The following OBP2B variants were observed in gnomAD, a reference collection of about 807,000 sequenced individuals.
OBP2B encodes the protein odorant binding protein 2B, also known as odorant-binding protein 2b.
A neutral mutation model predicts 21.7 loss-of-function variants in OBP2B; 10 were observed. The ratio of observed to expected loss-of-function variants is 0.46; its 90% CI spans 0.28 to 0.78. OBP2B has a LOEUF of 0.78. OBP2B is among the 30% of genes least tolerant of loss of function. The probability of loss-of-function intolerance (pLI) is 0.11; values close to 1 mark genes in which losing one functional copy is unlikely to be tolerated. For missense variants in OBP2B, 153 were observed against 217.7 expected (o/e 0.70, Z 1.87); for synonymous variants, 73 against 91.5 (o/e 0.80, Z 1.16).
intron 6 of OBP2B, chr9:133,205,686 G>T: frequency 1.6e-6 from 1 of 640,336 alleles, no homozygotes; most frequent in South Asian, 2.0e-5. Flanking sequence ...CTGTGGAAAG[G>T]CCGAGGAGGA....
chr9:133,210,649 T>C (rs2119406938), upstream of OBP2B, among the ~76,000 whole-genome samples: 1 of 152,318 alleles, frequency 6.6e-6, no homozygotes, highest in South Asian at 2.1e-4. Context: ...TGCTGCTGGC[T>C]CAATCCTTGA....
the OBP2B span, among the ~76,000 whole-genome samples, chr9:133,216,963 A>G: frequency 2.6e-5 from 4 of 151,902 alleles, no homozygotes; most frequent in Admixed American, 1.3e-4. Flanking sequence ...AAACCACAAT[A>G]AGCATAAATG....
At chr9:133,207,421 AC>A in intron 3 of OBP2B, 85 bp from the exon 4 acceptor site, 1 of 947,836 alleles carries the variant, frequency 1.1e-6, no homozygotes, top group Non-Finnish European at 1.6e-6. Flanking sequence ...TTCAGCGGTC[AC>A]CCAGGTGCCC....
chr9:133,206,135 G>T (rs1451333445), intron 5 of OBP2B, among the ~76,000 whole-genome samples, 180 bp downstream of exon 5: 1 of 152,046 alleles, frequency 6.6e-6, no homozygotes, highest in Admixed American at 6.5e-5. Context: ...CCCCATCGCA[G>T]CCCAGAGCAC....
At chr9:133,216,774 T>G in the OBP2B span, among the ~76,000 whole-genome samples, 1 of 151,980 alleles carries the variant, frequency 6.6e-6, no homozygotes, top group Non-Finnish European at 1.5e-5. Context: ...ATCCCACAAT[T>G]TTATGATTGC....
the OBP2B span, among the ~76,000 whole-genome samples, chr9:133,221,370 G>T: frequency 6.6e-6 from 1 of 152,206 alleles, no homozygotes; most frequent in Non-Finnish European, 1.5e-5. Flanking sequence ...ACAGGCGCGT[G>T]TGCAGATTGC....
the OBP2B span, among the ~76,000 whole-genome samples, chr9:133,219,464 A>T: frequency 6.6e-6 from 1 of 152,254 alleles, no homozygotes; most frequent in African/African-American, 2.4e-5. Context: ...GGAAATGAAT[A>T]GACTTTCTTC....
Position 133,208,979 on chromosome 9 carries a change from C to A in OBP2B, c.72+149G>T, listed in dbSNP as rs1833846631. ...CGGGGGGCCGTGTCTGCTGGAGGAA[C>A]AATAGGACCCCTCCACCACCACCCC... On this transcript the variant is annotated intron_variant, in intron 1 of 6. Coordinates refer to ENST00000372034, the MANE Select transcript of OBP2B (RefSeq NM_014581.4). 6 of 970,318 alleles carry A rather than the reference C, an allele frequency of 6.2e-6. No individual in the cohort carries two copies. The Admixed American group carries it at 1.1e-4, about 17-fold the overall frequency. The allele number at this position is 970,318 out of a possible 1,614,324, so 60.1% of individuals were successfully genotyped here.
At chr9:133,210,554 C>A (rs1452656312), upstream of OBP2B, among the ~76,000 whole-genome samples, 1 of 152,124 alleles carries the variant, frequency 6.6e-6, no homozygotes, top group African/African-American at 2.4e-5. Flanking sequence ...TTTCTCTGTT[C>A]TCTGTGTTTG....
At position 133,205,339 on chromosome 9, in the gene OBP2B, A is replaced by T. The variant is rs1417059719; in HGVS notation, c.*74T>A. The T allele has an allele frequency of 1.3e-6, 2 of 1,528,966 alleles. No homozygotes were observed. The highest frequency in any genetic ancestry group is 1.8e-6 in the Non-Finnish European group (2 of 1,130,474). The allele number at this position is 1,528,966 out of a possible 1,614,324, so 94.7% of individuals were successfully genotyped here. On this transcript the variant is annotated 3_prime_UTR_variant, in exon 7 of 7. Coordinates refer to ENST00000372034, the MANE Select transcript of OBP2B (RefSeq NM_014581.4). ...GGGAGCAGGGAAGGGTCATGGCTGG[A>T]GGGTAGGTCCAGGTGGTCCAGGCTC...
chr9:133,222,101 G>A, the OBP2B span, among the ~76,000 whole-genome samples: 1 of 151,612 alleles, frequency 6.6e-6, no homozygotes, highest in African/African-American at 2.4e-5. Context: ...GTGGACCCAA[G>A]CTGAGTGTGT....
chr9:133,211,947 G>A (rs779421127), upstream of OBP2B, among the ~76,000 whole-genome samples: 14 of 152,104 alleles, frequency 9.2e-5, no homozygotes, highest in Admixed American at 5.2e-4. Flanking sequence ...ACTATATGCC[G>A]TCTACAAGAA....
In OBP2B at chr9:133,206,358, G is replaced by A; in HGVS notation, c.447C>T (p.Arg149=). 1.9e-6 allele frequency: 3 copies of A among 1,614,100 alleles called. No homozygotes were observed. The highest frequency in any genetic ancestry group is 2.5e-6 in the Non-Finnish European group (3 of 1,180,002). ...AAATGTCCTCCTCCGAGAGTCCCTT[G>A]CGCTGCACCAATTTCTTAAATTCTT... ...ALEEFKKLVQ[R]KGLSEEDIFT... Residue 149 remains arginine (R), a synonymous_variant, in exon 5 of 7, where the codon CGC becomes CGT. Coordinates refer to ENST00000372034, the MANE Select transcript of OBP2B (RefSeq NM_014581.4).
chr9:133,209,152 C>A lies in OBP2B; in HGVS notation c.48G>T (p.Leu16=). The change falls in exon 1 of 7, where the codon CTG becomes CTT. Residue 16 remains leucine, a synonymous_variant. Coordinates refer to ENST00000372034, the MANE Select transcript of OBP2B (RefSeq NM_014581.4). The surrounding 1 kb of genome is among the most constrained non-coding windows in gnomAD (Gnocchi z 6.0). ...LGVTLGLAAA[L]SFTLEEEDIT... ...CATCCTCCTCCTCCAGGGTGAAGGA[C>A]AGGGCAGCGGCCAGGCCGAGCGTGA... The A allele has an allele frequency of 3.1e-6, 5 of 1,606,042 alleles. No homozygotes were observed. The highest frequency in any genetic ancestry group is 4.2e-6 in the Non-Finnish European group (5 of 1,176,650).
the OBP2B span, among the ~76,000 whole-genome samples, chr9:133,216,332 ACAC>A: frequency 1.3e-5 from 2 of 151,364 alleles, no homozygotes; most frequent in Non-Finnish European, 2.9e-5. Context: ...AAGATGCTCA[ACAC>A]CATTAGTCAT....
upstream of OBP2B, among the ~76,000 whole-genome samples, chr9:133,212,728 CGA>C (rs1833929133): frequency 6.6e-6 from 1 of 152,192 alleles, no homozygotes; most frequent in Non-Finnish European, 1.5e-5. Context: ...ATCAGGAATT[CGA>C]GACCAGCCTG....
the OBP2B span, among the ~76,000 whole-genome samples, chr9:133,222,344 C>T: frequency 2.1e-3 from 315 of 152,324 alleles, 2 homozygotes; most frequent in Non-Finnish European, 3.8e-3. Flanking sequence ...CCCAGCTGCC[C>T]CTTCTTAGAG....
chr9:133,222,049 G>GA, the OBP2B span, among the ~76,000 whole-genome samples: 1 of 152,152 alleles, frequency 6.6e-6, no homozygotes, highest in African/African-American at 2.4e-5. Flanking sequence ...TTGTGTAGGG[G>GA]TGGATTCTAG....
At chr9:133,212,455 A>T (rs577816917), upstream of OBP2B, among the ~76,000 whole-genome samples, 22 of 152,340 alleles carry the variant, frequency 1.4e-4, no homozygotes, top group Admixed American at 1.4e-3. Context: ...AATTTTTAAA[A>T]ATTTAAATGA....
Sources: gnomAD v4.1 joint callset for allele counts (sites outside exome capture counted in the v4.1 genomes callset) on GRCh38, gnomAD v4.1.1 for gene constraint, Gnocchi (gnomAD v3.1) non-coding constraint, MANE v1.5 for transcripts, NCBI Gene and HGNC (gene_info 2026-07-23, HGNC 2026-07-21) for gene names.